The following RBM6 variants were observed in gnomAD, a reference collection of about 807,000 sequenced individuals.
The protein encoded by RBM6 is RNA-binding protein 6.
In RBM6, 23 loss-of-function variants were observed where a neutral mutation model predicts 140.4. The observed-to-expected ratio is 0.16, with a 90% CI of 0.12 to 0.23. The LOEUF (loss-of-function observed/expected upper bound fraction) is 0.23, where lower values mean the gene tolerates loss of function less well. Among genes scored for constraint, RBM6 ranks in the 10% least tolerant of loss-of-function variants. The probability of loss-of-function intolerance (pLI) is 1.00; values close to 1 mark genes in which losing one functional copy is unlikely to be tolerated. For synonymous variants in RBM6, 439 were observed against 475.6 expected, an observed-to-expected ratio of 0.92 and a Z score of 1.00; for missense variants, 1,139 against 1,386.7, an observed-to-expected ratio of 0.82 and a Z score of 2.84.
In RBM6 at chr3:50,031,703, C is replaced by A. The variant is rs150049548; in HGVS notation, c.1558-16542C>A. Among the ~76,000 whole-genome samples, 586 of 151,948 alleles carry A rather than the reference C, an allele frequency of 3.9e-3. 4 individuals carry two copies. Among genetic ancestry groups the A allele is most frequent in the African/African-American group, 0.014 (572 of 41,414 alleles). ...GTGTAACAAACCTGCACATTGTGCA[C>A]CATGTACCCTAGAACTTAAAGTATA... is the stretch of plus-strand genomic sequence containing the variant. On this transcript the variant is annotated intron_variant, in intron 6 of 20. Coordinates refer to ENST00000266022, the MANE Select transcript of RBM6 (RefSeq NM_005777.3).
intron 1 of RBM6, among the ~76,000 whole-genome samples, chr3:49,959,499 A>C (rs1440556371): frequency 6.8e-6 from 1 of 146,740 alleles, no homozygotes; most frequent in Non-Finnish European, 1.5e-5. Flanking sequence ...TCGCCCGGCC[A>C]ATGTTTTTCC....
At chr3:49,942,239 C>T (rs2083316410) in intron 1 of RBM6, among the ~76,000 whole-genome samples, 2 of 151,920 alleles carry the variant, frequency 1.3e-5, no homozygotes, top group African/African-American at 2.4e-5. Flanking sequence ...CCTGTAATCC[C>T]AGCACTTTGG....
chr3:49,976,410 GTAT>G (rs2085065410), intron 5 of RBM6, among the ~76,000 whole-genome samples: 1 of 152,140 alleles, frequency 6.6e-6, no homozygotes, highest in Admixed American at 6.5e-5. Flanking sequence ...AAGCTCAGAA[GTAT>G]TATTTCTCAG....
Position 50,049,756 on chromosome 3 carries a change from C to T in RBM6, c.1632+1437C>T, listed in dbSNP as rs115032264. On this transcript the variant is annotated intron_variant, in intron 7 of 20. Coordinates refer to ENST00000266022, the MANE Select transcript of RBM6 (RefSeq NM_005777.3). ...TTGAGATAAAATACATGTAACATTA[C>T]ATTTGCCATTTTAACCATTTTGAAG... is the stretch of plus-strand genomic sequence containing the variant. Among the ~76,000 whole-genome samples the T allele has an allele frequency of 7.0e-3, 1,068 of 151,864 alleles. 15 individuals are homozygous for T. The highest frequency in any genetic ancestry group is 0.025 in the African/African-American group (1,017 of 41,446).
chr3:50,044,075 T>C (rs1691593072), intron 6 of RBM6, among the ~76,000 whole-genome samples: 1 of 151,300 alleles, frequency 6.6e-6, no homozygotes, highest in South Asian at 2.1e-4. Context: ...GAGACAGGGT[T>C]TCACTGTGTT....
chr3:50,025,882 ATAAAT>A (rs1317183210), intron 6 of RBM6, among the ~76,000 whole-genome samples: 3 of 152,010 alleles, frequency 2.0e-5, no homozygotes, highest in Non-Finnish European at 4.4e-5. Flanking sequence ...AGACTAATTG[ATAAAT>A]TAAGTATAGA....
chr3:50,038,949 T>G (rs2088708586), intron 6 of RBM6, among the ~76,000 whole-genome samples: 2 of 152,314 alleles, frequency 1.3e-5, no homozygotes, highest in East Asian at 1.9e-4. Context: ...TATCTGGGAC[T>G]AAAAGCCCTT....
chr3:49,958,452 T>G (rs2084113302), intron 1 of RBM6, among the ~76,000 whole-genome samples: 1 of 152,108 alleles, frequency 6.6e-6, no homozygotes, highest in Admixed American at 6.6e-5. Flanking sequence ...GGTGGGCACC[T>G]GTAGTCCCAG....
At chr3:50,054,479 C>A (rs1169335240) in intron 8 of RBM6, 84 bp downstream of exon 8, 11 of 1,156,546 alleles carry the variant, frequency 9.5e-6, no homozygotes, top group Non-Finnish European at 1.4e-5. Context: ...GAAGAATTAT[C>A]ATCCCTAAAT....
chr3:49,971,020 A>G (rs2084764636), intron 3 of RBM6, among the ~76,000 whole-genome samples: 2 of 152,096 alleles, frequency 1.3e-5, no homozygotes, highest in South Asian at 4.1e-4. Context: ...TAATCCCAAC[A>G]CTTTGGGAAG....
chr3:50,058,608 G>A (rs374145793), intron 10 of RBM6, 46 bp downstream of exon 10: 156 of 1,529,038 alleles, frequency 1.0e-4, no homozygotes, highest in Non-Finnish European at 1.3e-4. Context: ...GATGGCTAAA[G>A]AACCTTCAAG....
chr3:50,019,306 A>T (rs1324143658), intron 6 of RBM6, among the ~76,000 whole-genome samples: 1 of 152,092 alleles, frequency 6.6e-6, no homozygotes, highest in Non-Finnish European at 1.5e-5. Context: ...GATTACAGGC[A>T]TGAGCCACCA....
chr3:50,037,797 C>T (rs895264947), intron 6 of RBM6, among the ~76,000 whole-genome samples: 3 of 148,550 alleles, frequency 2.0e-5, no homozygotes, highest in Admixed American at 6.7e-5. Flanking sequence ...AGCCACCATG[C>T]GTGGCAAATT....
intron 7 of RBM6, among the ~76,000 whole-genome samples, chr3:50,053,065 A>G (rs2089542978): frequency 6.6e-6 from 1 of 150,650 alleles, no homozygotes; most frequent in Non-Finnish European, 1.5e-5. Context: ...GAAGGGAACA[A>G]TGAAATAACT....
chr3:50,036,207 T>C (rs62263578), intron 6 of RBM6, among the ~76,000 whole-genome samples: 12,017 of 152,304 alleles, frequency 0.079, 523 homozygotes, highest in African/African-American at 0.1. Context: ...GTCTCCCTTT[T>C]TAAACGTATT....
chr3:50,065,541 C>G, intron 16 of RBM6: 1 of 458,302 alleles, frequency 2.2e-6, no homozygotes. Flanking sequence ...TCTGCCTGTT[C>G]AGAGTGAATG....
chr3:49,952,930 A>G (rs1031981913), intron 1 of RBM6, among the ~76,000 whole-genome samples: 1 of 152,198 alleles, frequency 6.6e-6, no homozygotes, highest in Non-Finnish European at 1.5e-5. Flanking sequence ...AAAAAATTGT[A>G]GAGATGGGGG....
intron 1 of RBM6, among the ~76,000 whole-genome samples, chr3:49,960,910 C>CTT (rs1439558901): frequency 1.3e-4 from 17 of 132,266 alleles, no homozygotes; most frequent in African/African-American, 2.0e-4. Context: ...CCCAGAGTAC[C>CTT]TTTTTTTTTT....
intron 6 of RBM6, among the ~76,000 whole-genome samples, chr3:50,047,813 C>A (rs1391569999): frequency 1.3e-5 from 2 of 152,120 alleles, no homozygotes; most frequent in Non-Finnish European, 2.9e-5. Flanking sequence ...ACTACCTTTC[C>A]AAGGAGATGT....
Sources: allele counts gnomAD v4.1 joint callset (sites outside exome capture counted in the v4.1 genomes callset), GRCh38; gene constraint gnomAD v4.1.1; transcripts MANE v1.5; gene names NCBI Gene and HGNC (gene_info 2026-07-23, HGNC 2026-07-21).